The following SUZ12 variants were observed in gnomAD, a reference collection of about 807,000 sequenced individuals.
SUZ12 encodes polycomb protein SUZ12.
In SUZ12, 17 loss-of-function variants were observed where a neutral mutation model predicts 87.3. The observed-to-expected ratio is 0.19, with a 90% CI of 0.13 to 0.29. SUZ12 has a LOEUF of 0.29. Ranked by LOEUF, SUZ12 falls within the 10% of genes least tolerant of loss-of-function variation. The probability of loss-of-function intolerance (pLI) is 1.00; values close to 1 mark genes in which losing one functional copy is unlikely to be tolerated. For missense variants in SUZ12, 526 were observed against 912.2 expected (o/e 0.58, Z 5.45); for synonymous variants, 253 against 312.4 (o/e 0.81, Z 2.01).
At chr17:31,953,329 T>C (rs1371038209) in intron 4 of SUZ12, among the ~76,000 whole-genome samples, 9 of 152,148 alleles carry the variant, frequency 5.9e-5, no homozygotes, top group Non-Finnish European at 8.8e-5. Flanking sequence ...CAGGCTGGTC[T>C]CAAACTCCTG....
At chr17:31,990,730 G>T (rs1394575831) in intron 10 of SUZ12, among the ~76,000 whole-genome samples, 1 of 151,966 alleles carries the variant, frequency 6.6e-6, no homozygotes, top group African/African-American at 2.4e-5. Context: ...GGCCCAAGTT[G>T]CAGTGTTCTA....
At chr17:31,975,407 G>A in intron 6 of SUZ12, 75 bp from the exon 7 acceptor site, 1 of 1,047,386 alleles carries the variant, frequency 9.5e-7, no homozygotes, top group Non-Finnish European at 1.3e-6. Context: ...TCCTATAGCT[G>A]TGATTAGAAG....
rs755898569 is a variant in SUZ12, at chr17:31,996,761, T to G, written c.1795-37T>G. 2.9e-6 allele frequency: 4 copies of G among 1,392,474 alleles called. No individual in the cohort carries two copies. In the South Asian group the frequency reaches 5.6e-5, roughly 20 times the overall value. 86.3% of individuals were successfully genotyped at this position (1,392,474 alleles called of 1,614,324 possible). Reference sequence around the variant, plus strand: ...ACATTCTCACAAGTTTTTCTTAAAATATGTGTTTAATAGGTGTTTTTCTTT... The same window carrying G: ...ACATTCTCACAAGTTTTTCTTAAAAGATGTGTTTAATAGGTGTTTTTCTTT... On this transcript the variant is annotated intron_variant, in intron 14 of 15. Transcript: ENST00000322652.
At chr17:31,989,024 C>T (rs555167332) in intron 10 of SUZ12, among the ~76,000 whole-genome samples, 1 of 151,860 alleles carries the variant, frequency 6.6e-6, no homozygotes, top group Non-Finnish European at 1.5e-5. Flanking sequence ...GCCGAGATTG[C>T]ACCACTGCAC....
At chr17:31,976,831 T>C (rs1338818176) in intron 8 of SUZ12, among the ~76,000 whole-genome samples, 1 of 152,192 alleles carries the variant, frequency 6.6e-6, no homozygotes, top group Non-Finnish European at 1.5e-5. Flanking sequence ...AACTTACTTA[T>C]TTGGCGAATA....
At chr17:31,956,502 A>G (rs1454152925) in intron 4 of SUZ12, among the ~76,000 whole-genome samples, 1 of 152,124 alleles carries the variant, frequency 6.6e-6, no homozygotes, top group Admixed American at 6.6e-5. Context: ...TTTTAAATAT[A>G]TATAGTTATT....
At chr17:31,996,762 ATG>A in intron 14 of SUZ12, 34 bp from the exon 15 acceptor site, 1 of 1,392,770 alleles carries the variant, frequency 7.2e-7, no homozygotes, top group African/African-American at 1.5e-5. Context: ...TTCTTAAAAT[ATG>A]TGTTTAATAG....
chr17:31,980,991 C>T (rs1179509112), intron 8 of SUZ12, among the ~76,000 whole-genome samples: 4 of 151,432 alleles, frequency 2.6e-5, no homozygotes, highest in Non-Finnish European at 4.4e-5. Context: ...ATGATTGTGT[C>T]ACTGCACTCT....
chr17:31,980,428 C>CTTTTT (rs1909028922), intron 8 of SUZ12, among the ~76,000 whole-genome samples: 1 of 81,870 alleles, frequency 1.2e-5, no homozygotes, highest in Non-Finnish European at 2.7e-5. Context: ...ATCACCTTCT[C>CTTTTT]CTTTTTTTTT....
At chr17:31,982,927 C>T (rs1416094962) in intron 8 of SUZ12, 72 bp from the exon 9 acceptor site, 17 of 1,407,168 alleles carry the variant, frequency 1.2e-5, no homozygotes, top group Admixed American at 2.3e-5. Flanking sequence ...TAGTATAAAT[C>T]TAAAGATGTA....
Position 31,975,737 on chromosome 17 carries a change from T to G in SUZ12, c.823+24T>G, listed in dbSNP as rs767102947. ...TGGTAATTTTTTTTTTTACTAGATTTTATCACTGGAGACTAAGATGGTCAT... is the reference window on the plus strand; with the variant it reads ...TGGTAATTTTTTTTTTTACTAGATTGTATCACTGGAGACTAAGATGGTCAT... On this transcript the variant is annotated intron_variant, in intron 7 of 15. Transcript: ENST00000322652. 5.2e-6 allele frequency: 8 copies of G among 1,550,706 alleles called. No homozygotes were observed. In the African/African-American group the frequency reaches 9.6e-5, roughly 19 times the overall value.
In SUZ12 at chr17:31,980,011, TAGAGAG is replaced by T. The variant is rs55882925; in HGVS notation, c.918-2966_918-2961del. On this transcript the variant is annotated intron_variant, in intron 8 of 15. Transcript: ENST00000322652. ...ACCCTAAAAAATATATATATATGTA[TAGAGAG>T]AGAGAGAGAGAGAGAGAGAGAAACA... Among the ~76,000 whole-genome samples, 1,231 of 146,036 alleles carry T rather than the reference TAGAGAG, an allele frequency of 8.4e-3. 6 individuals are homozygous for T. Among genetic ancestry groups the T allele is most frequent in the African/African-American group, 0.013 (510 of 39,658 alleles).
chr17:31,987,803 C>T lies in SUZ12; in HGVS notation c.1024-517C>T, dbSNP rs1193417297. Reference sequence around the variant, plus strand: ...CACACAAAAAATTAGCTGGGCGTGACGGCAGGTGCCTGTAATCCCAGCTAC... The same window carrying T: ...CACACAAAAAATTAGCTGGGCGTGATGGCAGGTGCCTGTAATCCCAGCTAC... On this transcript the variant is annotated intron_variant, in intron 9 of 15. Transcript: ENST00000322652. 4.6e-5 allele frequency among the ~76,000 whole-genome samples: 7 copies of T among 151,896 alleles called. No homozygotes were observed. In the East Asian group the frequency reaches 9.7e-4, roughly 21 times the overall value.
At chr17:31,983,274 C>CTTT (rs10681815) in intron 9 of SUZ12, among the ~76,000 whole-genome samples, 170 bp downstream of exon 9, 11,088 of 118,034 alleles carry the variant, frequency 0.094, 701 homozygotes, top group Non-Finnish European at 0.14. Context: ...AGGTATCATT[C>CTTT]TTTTTTTTTT....
chr17:31,996,358 T>TAA (rs757220033), intron 14 of SUZ12, among the ~76,000 whole-genome samples: 90 of 152,344 alleles, frequency 5.9e-4, no homozygotes, highest in East Asian at 2.5e-3. Flanking sequence ...CTCACACCTG[T>TAA]AATCCCAACA....
chr17:31,990,121 A>ATTTTTTTTTTTTT (rs59793925), intron 10 of SUZ12, among the ~76,000 whole-genome samples: 127 of 99,842 alleles, frequency 1.3e-3, no homozygotes, highest in African/African-American at 3.8e-3. Flanking sequence ...TGCCCGGCTA[A>ATTTTTTTTTTTTT]TTTTTTTTTT....
chr17:31,990,080 G>A lies in SUZ12; in HGVS notation c.1201+1583G>A, dbSNP rs550063623. Among the ~76,000 whole-genome samples, 7 of 148,208 alleles carry A rather than the reference G, an allele frequency of 4.7e-5. No homozygotes were observed. In the East Asian group the frequency reaches 1.2e-3, roughly 25 times the overall value. On this transcript the variant is annotated intron_variant, in intron 10 of 15. Coordinates refer to ENST00000322652, the MANE Select transcript of SUZ12 (RefSeq NM_015355.4). ...TGCCAATTTCCTGCCTCAGCCTCCCGAGTAGCTGGGACTACAGGCGCCGGC... is the reference window on the plus strand; with the variant it reads ...TGCCAATTTCCTGCCTCAGCCTCCCAAGTAGCTGGGACTACAGGCGCCGGC...
At chr17:31,974,553 A>G (rs1908629690) in intron 6 of SUZ12, among the ~76,000 whole-genome samples, 1 of 152,194 alleles carries the variant, frequency 6.6e-6, no homozygotes, top group South Asian at 2.1e-4. Context: ...ACAAGTGATG[A>G]TATGAAAATC....
intron 6 of SUZ12, among the ~76,000 whole-genome samples, chr17:31,974,669 C>T (rs566467928): frequency 5.6e-4 from 85 of 152,226 alleles, no homozygotes; most frequent in African/African-American, 1.9e-3. Context: ...ACACAGCCAA[C>T]TGCTAGTATT....
Sources: gnomAD v4.1 joint callset for allele counts (sites outside exome capture counted in the v4.1 genomes callset) on GRCh38, gnomAD v4.1.1 for gene constraint, MANE v1.5 for transcripts, NCBI Gene and HGNC (gene_info 2026-07-23, HGNC 2026-07-21) for gene names.